The following ADAMTS19 variants were observed in gnomAD, a reference collection of about 807,000 sequenced individuals.
ADAMTS19 encodes ADAM metallopeptidase with thrombospondin type 1 motif 19.
Under a neutral mutation model 153.3 loss-of-function variants are expected in ADAMTS19, and 93 were observed. The observed-to-expected ratio is 0.61, with a 90% CI of 0.51 to 0.72. ADAMTS19 has a LOEUF of 0.72. Among genes scored for constraint, ADAMTS19 ranks in the 30% least tolerant of loss-of-function variants. ADAMTS19 has a pLI of 0.00. For missense variants in ADAMTS19, 1,482 were observed against 1,552.1 expected, an observed-to-expected ratio of 0.95 and a Z score of 0.76; for synonymous variants, 600 against 556.6, an observed-to-expected ratio of 1.08 and a Z score of -1.10.
intron 20 of ADAMTS19, among the ~76,000 whole-genome samples, chr5:129,702,481 T>A (rs896894476): frequency 6.6e-6 from 1 of 152,188 alleles, no homozygotes; most frequent in Middle Eastern, 3.2e-3. Context: ...GCTACTTTTT[T>A]GAAAATGAGG....
chr5:129,701,373 T>C lies in ADAMTS19; in HGVS notation c.2955-15T>C. 1 of 1,614,120 alleles carries C rather than the reference T, an allele frequency of 6.2e-7. No homozygotes were observed. The highest frequency in any genetic ancestry group is 8.5e-7 in the Non-Finnish European group (1 of 1,179,962). On this transcript the variant is annotated splice_polypyrimidine_tract_variant and intron_variant, in intron 19 of 22. Coordinates refer to ENST00000274487, the MANE Select transcript of ADAMTS19 (RefSeq NM_133638.6). ...TCTTTTAACTTGTTTCCAGTGACTC[T>C]TGCTTTACTTTCAGGTGGATGATGA...
intron 21 of ADAMTS19, among the ~76,000 whole-genome samples, chr5:129,718,626 C>G (rs77703826): frequency 6.6e-6 from 1 of 152,118 alleles, no homozygotes; most frequent in Non-Finnish European, 1.5e-5. Context: ...AGGAATGCAG[C>G]GCTAATAATT....
At chr5:129,683,911 T>G (rs575665091) in intron 17 of ADAMTS19, among the ~76,000 whole-genome samples, 9 of 151,006 alleles carry the variant, frequency 6.0e-5, no homozygotes, top group African/African-American at 2.2e-4. Flanking sequence ...AGCTCCAGTC[T>G]TTTCAAAAGC....
chr5:129,515,518 T>G (rs562181466), intron 3 of ADAMTS19, among the ~76,000 whole-genome samples: 1 of 152,164 alleles, frequency 6.6e-6, no homozygotes, highest in African/African-American at 2.4e-5. Flanking sequence ...ACTTCTTTGG[T>G]TAATTCTTAG....
intron 18 of ADAMTS19, among the ~76,000 whole-genome samples, chr5:129,690,712 G>A (rs937699120): frequency 4.6e-5 from 7 of 152,070 alleles, no homozygotes; most frequent in South Asian, 2.1e-4. Context: ...TCTAGGAAGC[G>A]CTCAGAGAAA....
At chr5:129,469,774 C>T (rs1749999288) in intron 2 of ADAMTS19, among the ~76,000 whole-genome samples, 2 of 152,168 alleles carry the variant, frequency 1.3e-5, no homozygotes, top group Admixed American at 1.3e-4. Context: ...GAGTTCATCA[C>T]AGTTATTCGA....
chr5:129,567,823 C>A (rs1196173474), intron 7 of ADAMTS19, among the ~76,000 whole-genome samples: 1 of 151,922 alleles, frequency 6.6e-6, no homozygotes, highest in Non-Finnish European at 1.5e-5. Flanking sequence ...AGAATCTGAG[C>A]AACTCCACAC....
chr5:129,684,391 G>T, intron 18 of ADAMTS19, 118 bp downstream of exon 18: 2 of 1,316,482 alleles, frequency 1.5e-6, no homozygotes, highest in South Asian at 3.1e-5. Flanking sequence ...TAAAGAGTTA[G>T]AAATGGAAAG....
intron 21 of ADAMTS19, among the ~76,000 whole-genome samples, chr5:129,707,960 C>T (rs1217692202): frequency 6.6e-6 from 1 of 152,180 alleles, no homozygotes; most frequent in Non-Finnish European, 1.5e-5. Context: ...GAATCATTGA[C>T]TGCTATTGGG....
chr5:129,583,581 C>T (rs147140007), intron 7 of ADAMTS19, among the ~76,000 whole-genome samples: 266 of 152,130 alleles, frequency 1.7e-3, no homozygotes, highest in African/African-American at 6.0e-3. Context: ...TCACATAGTG[C>T]CGTATTTCTT....
At position 129,608,086 on chromosome 5, in the gene ADAMTS19, A is replaced by G. The variant is rs1255073161; in HGVS notation, c.1478+11422A>G. On this transcript the variant is annotated intron_variant, in intron 8 of 22. Coordinates refer to ENST00000274487, the MANE Select transcript of ADAMTS19 (RefSeq NM_133638.6). Reference sequence around the variant, plus strand: ...ATTCATTATATAATTGGAATTTTATATATATGTGTGTGTGTGTGTGTGTGT... The same window carrying G: ...ATTCATTATATAATTGGAATTTTATGTATATGTGTGTGTGTGTGTGTGTGT... Among the ~76,000 whole-genome samples the G allele has an allele frequency of 9.8e-3, 561 of 57,162 alleles. 4 individuals carry two copies. The highest frequency in any genetic ancestry group is 0.049 in the South Asian group (63 of 1,278). The allele number at this position is 57,162 out of a possible 152,430, so 37.5% of individuals were successfully genotyped here.
Position 129,679,846 on chromosome 5 carries a change from C to G in ADAMTS19, c.2589C>G (p.Thr863=). ...GAGCCTTCAATTTGGCTGGAACTAC[C>G]GTTCATTATGTAAGACGAGGCCTCT... The part of the protein sequence containing the change: ...HSGAFNLAGT[T]VHYVRRGLWE... The change falls in exon 17 of 23, where the codon ACC becomes ACG. Residue 863 remains threonine (T), a synonymous_variant. Transcript: ENST00000274487. 6.2e-7 allele frequency: 1 copy of G among 1,613,826 alleles called. No individual in the cohort carries two copies. Among genetic ancestry groups the G allele is most frequent in the South Asian group, 1.1e-5 (1 of 91,062 alleles).
intron 3 of ADAMTS19, among the ~76,000 whole-genome samples, chr5:129,518,291 A>G (rs569673375): frequency 6.6e-6 from 1 of 152,158 alleles, no homozygotes; most frequent in East Asian, 1.9e-4. Context: ...ATTACCAGTG[A>G]GTTTTGTACC....
At chr5:129,644,298 A>G (rs1299634394) in intron 11 of ADAMTS19, among the ~76,000 whole-genome samples, 1 of 152,204 alleles carries the variant, frequency 6.6e-6, no homozygotes, top group East Asian at 1.9e-4. Context: ...TTTAGAAGCC[A>G]TCGTGAAAAT....
At chr5:129,498,676 A>G (rs1325552509) in intron 2 of ADAMTS19, among the ~76,000 whole-genome samples, 1 of 151,978 alleles carries the variant, frequency 6.6e-6, no homozygotes, top group African/African-American at 2.4e-5. Flanking sequence ...CTGGGACACC[A>G]TCTTTTCCCA....
intron 8 of ADAMTS19, among the ~76,000 whole-genome samples, chr5:129,610,625 T>A (rs926448929): frequency 1.3e-5 from 2 of 152,180 alleles, no homozygotes; most frequent in African/African-American, 4.8e-5. Flanking sequence ...GAACTCATCA[T>A]TTTTTATGGC....
intron 7 of ADAMTS19, among the ~76,000 whole-genome samples, chr5:129,576,451 A>T (rs182695707): frequency 1.3e-4 from 20 of 152,270 alleles, no homozygotes; most frequent in Non-Finnish European, 4.4e-5. Flanking sequence ...AAATTAGGCA[A>T]AGAAAATGTA....
intron 10 of ADAMTS19, among the ~76,000 whole-genome samples, chr5:129,630,439 A>G (rs1293459196): frequency 1.3e-5 from 2 of 152,100 alleles, no homozygotes; most frequent in African/African-American, 4.8e-5. Context: ...AACACCATAG[A>G]GAGTCCAATT....
chr5:129,650,427 A>G (rs1165636832), intron 13 of ADAMTS19, among the ~76,000 whole-genome samples: 2 of 152,164 alleles, frequency 1.3e-5, no homozygotes, highest in South Asian at 2.1e-4. Context: ...TAGCACCTAC[A>G]TACAAGCACT....
Sources: gnomAD v4.1 joint callset for allele counts (sites outside exome capture counted in the v4.1 genomes callset) on GRCh38, gnomAD v4.1.1 for gene constraint, MANE v1.5 for transcripts, NCBI Gene and HGNC (gene_info 2026-07-23, HGNC 2026-07-21) for gene names.